Variants in CREB5 observed in about 807,000 individuals in gnomAD.
CREB5 encodes the protein cAMP responsive element binding protein 5.
CREB5 carries 19 observed loss-of-function variants against 57.1 expected under a neutral mutation model. The ratio of observed to expected loss-of-function variants is 0.33; its 90% CI spans 0.23 to 0.49. The LOEUF is 0.49. CREB5 is among the 20% of genes least tolerant of loss of function. The pLI is 0.99. For synonymous variants in CREB5, 238 were observed against 238.3 expected (o/e 1.00, Z 0.01); for missense variants, 579 against 671.6 (o/e 0.86, Z 1.52).
chr7:28,387,704 G>A (rs1787139829), intron 1 of CREB5, among the ~76,000 whole-genome samples: 1 of 151,984 alleles, frequency 6.6e-6, no homozygotes, highest in Non-Finnish European at 1.5e-5. Context: ...CCTAGGTCAT[G>A]GAATGATCTG....
At chr7:28,455,754 C>T (rs1407105252) in intron 1 of CREB5, among the ~76,000 whole-genome samples, 2 of 152,024 alleles carry the variant, frequency 1.3e-5, no homozygotes, top group Non-Finnish European at 2.9e-5. Context: ...CCCCAGGGGA[C>T]AGTGTAAAGG....
intron 7 of CREB5, among the ~76,000 whole-genome samples, chr7:28,731,412 C>T (rs1222721567): frequency 1.3e-5 from 2 of 152,178 alleles, no homozygotes; most frequent in Admixed American, 1.3e-4. Flanking sequence ...CGAGAATATA[C>T]ATTCGATTAT....
chr7:28,388,203 A>G (rs983469649), intron 1 of CREB5, among the ~76,000 whole-genome samples: 1 of 152,188 alleles, frequency 6.6e-6, no homozygotes, highest in Non-Finnish European at 1.5e-5. Flanking sequence ...TCTGAATTGC[A>G]CAGGTAGTAT....
At chr7:28,434,477 A>G (rs1399379383) in intron 1 of CREB5, among the ~76,000 whole-genome samples, 1 of 152,154 alleles carries the variant, frequency 6.6e-6, no homozygotes, top group Non-Finnish European at 1.5e-5. Context: ...ATTTCTTACA[A>G]TATAGAAACA....
intron 1 of CREB5, among the ~76,000 whole-genome samples, chr7:28,422,386 G>A (rs1583444007): frequency 6.6e-6 from 1 of 152,124 alleles, no homozygotes; most frequent in South Asian, 2.1e-4. Flanking sequence ...GGCATGGGGT[G>A]TCAGAATTAT....
chr7:28,375,556 T>A, intron 1 of CREB5, among the ~76,000 whole-genome samples: 1 of 151,854 alleles, frequency 6.6e-6, no homozygotes, highest in East Asian at 1.9e-4. Flanking sequence ...AGGGGATGGG[T>A]ACCCCATTTT....
intron 7 of CREB5, among the ~76,000 whole-genome samples, chr7:28,750,551 A>G (rs1804923475): frequency 6.6e-6 from 1 of 152,172 alleles, no homozygotes; most frequent in Admixed American, 6.5e-5. Flanking sequence ...TAGATATGTG[A>G]TACACAAGAA....
rs1809683916 is a variant in CREB5 at position 28,820,260 on chromosome 7, G to A, written c.*981G>A. Reference sequence around the variant, plus strand: ...TGATTGCGAAAGTCCAAATTTTGATGTGGGGCTATAACATGACACCCTTGG... The same window carrying A: ...TGATTGCGAAAGTCCAAATTTTGATATGGGGCTATAACATGACACCCTTGG... On this transcript the variant is annotated 3_prime_UTR_variant, in exon 11 of 11. Transcript: ENST00000357727. The A allele has an allele frequency of 6.6e-6, 1 of 152,600 alleles. No homozygotes were observed. The highest frequency in any genetic ancestry group is 1.5e-5 in the Non-Finnish European group (1 of 68,028). 9.5% of individuals were successfully genotyped at this position (152,600 alleles called of 1,614,324 possible). A position where few individuals can be genotyped will look rare whatever the true frequency, so the allele number is the denominator to read the frequency against.
intron 5 of CREB5, among the ~76,000 whole-genome samples, chr7:28,610,211 C>G (rs1797329680): frequency 6.6e-6 from 1 of 152,108 alleles, no homozygotes; most frequent in African/African-American, 2.4e-5. Flanking sequence ...CTTTCTGCAT[C>G]CCCCTCTGCC....
chr7:28,760,453 C>A (rs947794436), intron 7 of CREB5, among the ~76,000 whole-genome samples: 2 of 152,194 alleles, frequency 1.3e-5, no homozygotes, highest in African/African-American at 4.8e-5. Flanking sequence ...ATGATTCAGA[C>A]CTGCCAAAGT....
intron 1 of CREB5, among the ~76,000 whole-genome samples, chr7:28,353,815 C>A (rs1786285645): frequency 1.8e-5 from 2 of 111,286 alleles, no homozygotes; most frequent in Non-Finnish European, 4.0e-5. Context: ...TGCACTCCAG[C>A]CTGGGGAACA....
intron 1 of CREB5, among the ~76,000 whole-genome samples, chr7:28,331,848 C>CAAAAAA (rs145837781): frequency 1.3e-5 from 1 of 75,620 alleles, no homozygotes; most frequent in African/African-American, 5.4e-5. Flanking sequence ...AACTCCATCT[C>CAAAAAA]AAAAAAAAAA....
chr7:28,803,959 G>T (rs957618154), intron 7 of CREB5, among the ~76,000 whole-genome samples: 2 of 152,060 alleles, frequency 1.3e-5, no homozygotes, highest in African/African-American at 4.8e-5. Flanking sequence ...CATTGGCTTT[G>T]ACAGTTGAAT....
At chr7:28,687,494 G>A (rs942655163) in intron 5 of CREB5, among the ~76,000 whole-genome samples, 3 of 149,754 alleles carry the variant, frequency 2.0e-5, no homozygotes, top group East Asian at 2.0e-4. Context: ...AATAGATTTC[G>A]TATTGTGATA....
At chr7:28,736,416 G>T (rs913582053) in intron 7 of CREB5, among the ~76,000 whole-genome samples, 21 of 152,196 alleles carry the variant, frequency 1.4e-4, no homozygotes, top group African/African-American at 4.3e-4. Flanking sequence ...TGATCCGCCT[G>T]CCTCAGCCTC....
At chr7:28,752,189 G>A (rs1381610263) in intron 7 of CREB5, among the ~76,000 whole-genome samples, 2 of 151,860 alleles carry the variant, frequency 1.3e-5, no homozygotes, top group African/African-American at 4.8e-5. Context: ...TTTTTGGAAC[G>A]GAGTTTCACT....
At chr7:28,789,073 A>C (rs1314106013) in intron 7 of CREB5, among the ~76,000 whole-genome samples, 1 of 152,170 alleles carries the variant, frequency 6.6e-6, no homozygotes, top group Non-Finnish European at 1.5e-5. Flanking sequence ...GTGCCTGAAG[A>C]GTAAGACTTT....
chr7:28,679,052 C>CT (rs56266854), intron 5 of CREB5, among the ~76,000 whole-genome samples: 19,848 of 123,908 alleles, frequency 0.16, 2,375 homozygotes, highest in African/African-American at 0.33. Flanking sequence ...TTTTGTAGTT[C>CT]TTTTTTTTTT....
At chr7:28,621,355 C>T (rs1322959706) in intron 5 of CREB5, among the ~76,000 whole-genome samples, 3 of 152,100 alleles carry the variant, frequency 2.0e-5, no homozygotes, top group East Asian at 1.9e-4. Flanking sequence ...TTACAATACC[C>T]CTTTTGCCCC....
Sources: allele counts gnomAD v4.1 joint callset (sites outside exome capture counted in the v4.1 genomes callset), GRCh38; gene constraint gnomAD v4.1.1; transcripts MANE v1.5; gene names NCBI Gene and HGNC (gene_info 2026-07-23, HGNC 2026-07-21).